Variants in BRAF observed in about 807,000 individuals in gnomAD.
BRAF encodes B-Raf proto-oncogene, serine/threonine kinase.
Under a neutral mutation model 104.6 loss-of-function variants are expected in BRAF, and 16 were observed. The ratio of observed to expected loss-of-function variants is 0.15; its 90% CI spans 0.10 to 0.23. The LOEUF (loss-of-function observed/expected upper bound fraction) is 0.23. BRAF is among the 10% of genes least tolerant of loss of function. BRAF has a pLI of 1.00. For missense variants in BRAF, 541 were observed against 937.3 expected, an observed-to-expected ratio of 0.58 and a Z score of 5.52; for synonymous variants, 310 against 341.6, an observed-to-expected ratio of 0.91 and a Z score of 1.02.
rs1317540371 is a variant in BRAF at position 140,794,402 on chromosome 7, G to A, written c.1046C>T (p.Ala349Val). 7 of 1,614,028 alleles carry A rather than the reference G, an allele frequency of 4.3e-6. No individual in the cohort carries two copies. Among genetic ancestry groups the A allele is most frequent in the Non-Finnish European group, 5.9e-6 (7 of 1,179,986 alleles). The change falls in exon 8 of 20, where the codon GCA becomes GTA. Residue 349 changes from alanine (A) to valine (V), a missense_variant. Physicochemically the swap from Ala to Val is moderately conservative, Grantham distance 64 (BLOSUM62 0). Coordinates refer to ENST00000644969, the MANE Select transcript of BRAF (RefSeq NM_001374258.1). The stretch of plus-strand genomic sequence containing the variant: ...AAATTGATTTCGATGATCTTCATCT[G>A]CTGGTCGGAAGGGCTGTGGAATTGG... ...SIPIPQPFRP[A>V]DEDHRNQFGQ...
chr7:140,794,410 G>A lies in BRAF; in HGVS notation c.1038C>T (p.Phe346=). 6.2e-7 allele frequency: 1 copy of A among 1,614,072 alleles called. No homozygotes were observed. The highest frequency in any genetic ancestry group is 1.1e-5 in the South Asian group (1 of 91,082). ...PSKSIPIPQP[F]RPADEDHRNQ... ...TTCGATGATCTTCATCTGCTGGTCG[G>A]AAGGGCTGTGGAATTGGAATGGATT... The change falls in exon 8 of 20, where the codon TTC becomes TTT. Residue 346 remains phenylalanine (F), a synonymous_variant. Transcript: ENST00000644969.
At chr7:140,904,902 T>C (rs1816126918) in intron 1 of BRAF, among the ~76,000 whole-genome samples, 1 of 152,074 alleles carries the variant, frequency 6.6e-6, no homozygotes, top group South Asian at 2.1e-4. Context: ...CCACTGCGCC[T>C]GACCAGATTA....
At chr7:140,803,477 A>T (rs1803337505) in intron 5 of BRAF, among the ~76,000 whole-genome samples, 1 of 152,234 alleles carries the variant, frequency 6.6e-6, no homozygotes, top group Non-Finnish European at 1.5e-5. Flanking sequence ...TATTTATAAA[A>T]CTAGTAAGTA....
chr7:140,923,434 T>G (rs1818453730), intron 1 of BRAF, among the ~76,000 whole-genome samples: 2 of 152,080 alleles, frequency 1.3e-5, no homozygotes, highest in African/African-American at 4.8e-5. Flanking sequence ...CGTAAATAAT[T>G]TGACACAGTG....
intron 3 of BRAF, among the ~76,000 whole-genome samples, chr7:140,811,850 ATTGT>A (rs1442584193): frequency 1.3e-5 from 2 of 152,198 alleles, no homozygotes; most frequent in African/African-American, 4.8e-5. Flanking sequence ...GTGTTCACTA[ATTGT>A]TTGTAGTGAA....
intron 8 of BRAF, among the ~76,000 whole-genome samples, chr7:140,787,914 TA>T (rs1340672681): frequency 6.6e-6 from 1 of 152,196 alleles, no homozygotes; most frequent in Non-Finnish European, 1.5e-5. Context: ...TTTTCTCACT[TA>T]TAAGTGGGAG....
chr7:140,872,140 G>A (rs184437806), intron 1 of BRAF, among the ~76,000 whole-genome samples: 1 of 152,152 alleles, frequency 6.6e-6, no homozygotes, highest in East Asian at 1.9e-4. Context: ...ATTTGAATCT[G>A]GAAGGTGGAG....
At chr7:140,746,165 A>G (rs995439937) in intron 17 of BRAF, among the ~76,000 whole-genome samples, 3 of 152,238 alleles carry the variant, frequency 2.0e-5, no homozygotes, top group Non-Finnish European at 4.4e-5. Flanking sequence ...AGCAATTATA[A>G]CTGGAATAAT....
At chr7:140,816,797 G>A (rs796168563) in intron 3 of BRAF, among the ~76,000 whole-genome samples, 2 of 152,188 alleles carry the variant, frequency 1.3e-5, no homozygotes, top group African/African-American at 4.8e-5. Context: ...AATTAATTTA[G>A]TAGTTTTAGG....
intron 1 of BRAF, among the ~76,000 whole-genome samples, chr7:140,894,529 C>T (rs1396538846): frequency 1.1e-4 from 17 of 151,848 alleles, no homozygotes; most frequent in Admixed American, 1.1e-3. Flanking sequence ...TATAAGTGTA[C>T]TGATTTTCTT....
chr7:140,749,007 T>C (rs1797572421), intron 17 of BRAF: 2 of 391,500 alleles, frequency 5.1e-6, no homozygotes, highest in Non-Finnish European at 9.5e-6. Flanking sequence ...CTCATTCTTC[T>C]AATTGTGCGA....
chr7:140,916,073 T>C (rs1254907619), intron 1 of BRAF, among the ~76,000 whole-genome samples: 2 of 152,218 alleles, frequency 1.3e-5, no homozygotes, highest in Non-Finnish European at 2.9e-5. Flanking sequence ...CCTTGCAACA[T>C]GGTCAAAACT....
chr7:140,915,701 G>T (rs1210057519), intron 1 of BRAF, among the ~76,000 whole-genome samples: 1 of 152,028 alleles, frequency 6.6e-6, no homozygotes, highest in Non-Finnish European at 1.5e-5. Flanking sequence ...CTCCCAAAGT[G>T]CTGGGATTAC....
chr7:140,755,328 T>C lies in BRAF; in HGVS notation c.1815-1095A>G, dbSNP rs374354400. On this transcript the variant is annotated intron_variant, in intron 14 of 19. Transcript: ENST00000644969. Reference sequence around the variant, plus strand: ...ACTTCTGAAATCTGACAATGATCATTAGACAGTTTTACCTTAAAATGAGAA... The same window carrying C: ...ACTTCTGAAATCTGACAATGATCATCAGACAGTTTTACCTTAAAATGAGAA... 6.9e-3 allele frequency among the ~76,000 whole-genome samples: 1,050 copies of C among 152,284 alleles called. 9 individuals are homozygous for C. Among genetic ancestry groups the C allele is most frequent in the South Asian group, 0.017 (81 of 4,828 alleles).
intron 1 of BRAF, among the ~76,000 whole-genome samples, chr7:140,855,279 A>C (rs1809648108): frequency 1.3e-5 from 2 of 152,138 alleles, no homozygotes; most frequent in Non-Finnish European, 2.9e-5. Flanking sequence ...CCACAATCCT[A>C]AAAGGGAGAT....
In BRAF at chr7:140,809,287, C is replaced by T. The variant is rs111570437; in HGVS notation, c.505-292G>A. Among the ~76,000 whole-genome samples, 1,163 of 152,232 alleles carry T rather than the reference C, an allele frequency of 7.6e-3. 18 individuals carry two copies. Among genetic ancestry groups the T allele is most frequent in the African/African-American group, 0.026 (1,095 of 41,538 alleles). ...GTATCTGCTACAATATACCCACCAACGCAGTATATCCATCACTGAGCAATA... is the reference window on the plus strand; with the variant it reads ...GTATCTGCTACAATATACCCACCAATGCAGTATATCCATCACTGAGCAATA... On this transcript the variant is annotated intron_variant, in intron 3 of 19. Coordinates refer to ENST00000644969, the MANE Select transcript of BRAF (RefSeq NM_001374258.1).
chr7:140,768,838 G>C (rs1458911091), intron 14 of BRAF, among the ~76,000 whole-genome samples: 1 of 151,904 alleles, frequency 6.6e-6, no homozygotes, highest in Non-Finnish European at 1.5e-5. Flanking sequence ...GGTTGCTATA[G>C]AGTGAGGCTG....
intron 18 of BRAF, among the ~76,000 whole-genome samples, chr7:140,738,092 ACAGTCTCAACC>A (rs1307230438): frequency 8.5e-5 from 13 of 152,202 alleles, no homozygotes; most frequent in Non-Finnish European, 1.6e-4. Context: ...TCTCACCAGG[ACAGTCTCAACC>A]CAGAGGTTTC....
chr7:140,783,157 C>T lies in BRAF; in HGVS notation c.1298G>A (p.Gly433Glu). The change falls in exon 11 of 20, where the codon GGA becomes GAA. Residue 433 changes from glycine (G) to glutamate (E), a missense_variant and splice_region_variant. Physicochemically the swap from Gly to Glu is moderately conservative, Grantham distance 98. Transcript: ENST00000644969. ...FDFEPGPVFR[G>E]STTGLSATPP... is the part of the protein sequence containing the mutation. The stretch of plus-strand genomic sequence containing the variant: ...GGTAGCAGACAAACCTGTGGTTGAT[C>T]CTAAATTAGTGAAAAGAAAAATGTA... The T allele has an allele frequency of 6.2e-7, 1 of 1,613,572 alleles. No individual in the cohort carries two copies. The highest frequency in any genetic ancestry group is 2.2e-5 in the East Asian group (1 of 44,834).
Sources: gnomAD v4.1 joint callset for allele counts (sites outside exome capture counted in the v4.1 genomes callset) on GRCh38, gnomAD v4.1.1 for gene constraint, MANE v1.5 for transcripts, NCBI Gene and HGNC (gene_info 2026-07-23, HGNC 2026-07-21) for gene names.